RBFOX1: variants seen among roughly 807,000 people sequenced by gnomAD.
The protein encoded by RBFOX1 is RNA binding protein fox-1 homolog 1.
RBFOX1 carries 8 observed loss-of-function variants against 57.7 expected under a neutral mutation model. That is an observed-to-expected ratio of 0.14 (90% CI 0.08 to 0.25). The LOEUF (loss-of-function observed/expected upper bound fraction) is 0.25. RBFOX1 is among the 10% of genes least tolerant of loss of function. The probability of loss-of-function intolerance (pLI) is 1.00; values close to 1 mark genes in which losing one functional copy is unlikely to be tolerated. For missense variants in RBFOX1, 611 were observed against 548.5 expected (o/e 1.11, Z -1.14); for synonymous variants, 326 against 222.4 (o/e 1.47, Z -4.15).
At chr16:5,556,189 T>C (rs1193658219) in intron 2 of RBFOX1, among the ~76,000 whole-genome samples, 1 of 152,244 alleles carries the variant, frequency 6.6e-6, no homozygotes, top group Non-Finnish European at 1.5e-5. Context: ...TGCGGTTACA[T>C]ACATTCGGTC....
intron 2 of RBFOX1, among the ~76,000 whole-genome samples, chr16:5,477,277 G>A (rs1233233495): frequency 1.3e-5 from 2 of 152,168 alleles, no homozygotes; most frequent in Non-Finnish European, 2.9e-5. Context: ...ACAGGCCTTA[G>A]AGCTGGTTTC....
At chr16:6,837,034 A>G (rs917981030) in intron 3 of RBFOX1, among the ~76,000 whole-genome samples, 1 of 152,186 alleles carries the variant, frequency 6.6e-6, no homozygotes, top group Non-Finnish European at 1.5e-5. Context: ...CTCGGCTTTT[A>G]CAGTAAGCCC....
intron 2 of RBFOX1, among the ~76,000 whole-genome samples, chr16:6,515,776 C>T (rs1028631646): frequency 3.3e-5 from 5 of 152,162 alleles, no homozygotes; most frequent in Admixed American, 6.5e-5. Flanking sequence ...CTTGCACCTG[C>T]TGTTTCCTTT....
At chr16:6,691,522 C>A (rs1303202312) in intron 3 of RBFOX1, among the ~76,000 whole-genome samples, 2 of 152,038 alleles carry the variant, frequency 1.3e-5, no homozygotes, top group Non-Finnish European at 2.9e-5. Context: ...TGAGTAAATG[C>A]GTTTCGCAGG....
intron 3 of RBFOX1, among the ~76,000 whole-genome samples, chr16:6,967,366 G>T (rs1421311320): frequency 2.6e-5 from 4 of 152,156 alleles, no homozygotes; most frequent in African/African-American, 9.7e-5. Flanking sequence ...TGTTCCTTGA[G>T]CAGGGAAGAG....
At chr16:6,450,765 GTGTATATATATA>G (rs1567302516) in intron 2 of RBFOX1, among the ~76,000 whole-genome samples, 5 of 19,452 alleles carry the variant, frequency 2.6e-4, no homozygotes, top group African/African-American at 8.2e-4. Context: ...ATATATATAT[GTGTATATATATA>G]TATATATATA....
At chr16:6,369,760 A>G (rs1405572192) in intron 2 of RBFOX1, among the ~76,000 whole-genome samples, 1 of 152,210 alleles carries the variant, frequency 6.6e-6, no homozygotes, top group Non-Finnish European at 1.5e-5. Flanking sequence ...TCTTAGTGTC[A>G]GTTCCAGACA....
chr16:6,381,236 T>G (rs915393198), intron 2 of RBFOX1, among the ~76,000 whole-genome samples: 1 of 152,192 alleles, frequency 6.6e-6, no homozygotes, highest in Non-Finnish European at 1.5e-5. Flanking sequence ...GTGCATATAT[T>G]GCGTAGTGAT....
intron 4 of RBFOX1, among the ~76,000 whole-genome samples, chr16:7,165,662 C>T (rs1005506679): frequency 1.3e-5 from 2 of 151,840 alleles, no homozygotes; most frequent in African/African-American, 4.8e-5. Context: ...CTCCCGATCT[C>T]AGGTGATCTG....
At chr16:5,709,210 T>C (rs747474353) in intron 3 of RBFOX1, among the ~76,000 whole-genome samples, 2 of 152,212 alleles carry the variant, frequency 1.3e-5, no homozygotes, top group African/African-American at 2.4e-5. Context: ...AAATGGGCTC[T>C]GATGGCTTTG....
At chr16:6,614,759 C>T (rs956159146) in intron 2 of RBFOX1, among the ~76,000 whole-genome samples, 1 of 152,170 alleles carries the variant, frequency 6.6e-6, no homozygotes, top group South Asian at 2.1e-4. Flanking sequence ...CCATCTGTCT[C>T]TGACTTCACA....
At chr16:6,283,597 A>G (rs2076611063) in intron 1 of RBFOX1, among the ~76,000 whole-genome samples, 1 of 152,156 alleles carries the variant, frequency 6.6e-6, no homozygotes, top group Admixed American at 6.5e-5. Flanking sequence ...AGGTGAGTGA[A>G]AAATGGGAAA....
At chr16:7,299,878 T>C (rs1448336670) in intron 4 of RBFOX1, among the ~76,000 whole-genome samples, 1 of 152,210 alleles carries the variant, frequency 6.6e-6, no homozygotes, top group African/African-American at 2.4e-5. Flanking sequence ...GTTGAAAATA[T>C]CATAAGTAGA....
intron 3 of RBFOX1, among the ~76,000 whole-genome samples, chr16:6,678,233 T>G (rs1017101341): frequency 2.0e-5 from 3 of 152,160 alleles, no homozygotes; most frequent in Non-Finnish European, 4.4e-5. Flanking sequence ...CAAGCATTTA[T>G]CCAACTTCAT....
At chr16:6,501,231 C>T (rs2095912107) in intron 2 of RBFOX1, among the ~76,000 whole-genome samples, 1 of 145,712 alleles carries the variant, frequency 6.9e-6, no homozygotes, top group South Asian at 2.2e-4. Flanking sequence ...TGTTGGTGTG[C>T]TGCACCCATC....
At chr16:7,692,087 G>T (rs1480483790) in intron 14 of RBFOX1, among the ~76,000 whole-genome samples, 1 of 152,048 alleles carries the variant, frequency 6.6e-6, no homozygotes, top group East Asian at 1.9e-4. Context: ...CTAACATAGG[G>T]AATCTGGGGC....
chr16:7,093,368 G>T (rs2061177884), intron 4 of RBFOX1, among the ~76,000 whole-genome samples: 1 of 152,128 alleles, frequency 6.6e-6, no homozygotes, highest in Non-Finnish European at 1.5e-5. Flanking sequence ...GTTCTCTGTT[G>T]TCTCGAATAT....
chr16:5,858,858 C>A (rs985933155), intron 3 of RBFOX1, among the ~76,000 whole-genome samples: 1 of 152,104 alleles, frequency 6.6e-6, no homozygotes, highest in African/African-American at 2.4e-5. Flanking sequence ...GTGGCTGGAA[C>A]CAAGTCCCAG....
At chr16:5,837,559 G>C (rs2056499479) in intron 3 of RBFOX1, among the ~76,000 whole-genome samples, 1 of 151,082 alleles carries the variant, frequency 6.6e-6, no homozygotes, top group South Asian at 2.1e-4. Context: ...TGGGGCAGGA[G>C]GAGGTGGAAA....
Sources: gnomAD v4.1 joint callset for allele counts (sites outside exome capture counted in the v4.1 genomes callset) on GRCh38, gnomAD v4.1.1 for gene constraint, MANE v1.5 for transcripts, NCBI Gene and HGNC (gene_info 2026-07-23, HGNC 2026-07-21) for gene names.